KCNQ1: variants seen among roughly 807,000 people sequenced by gnomAD.
KCNQ1 encodes potassium voltage-gated channel subfamily Q member 1.
KCNQ1 carries 49 observed loss-of-function variants against 72.4 expected under a neutral mutation model. The ratio of observed to expected loss-of-function variants is 0.68; its 90% CI spans 0.54 to 0.86. KCNQ1 has a LOEUF of 0.86. KCNQ1 is among the 40% of genes least tolerant of loss of function. KCNQ1 has a pLI of 0.00. For missense variants in KCNQ1, 790 were observed against 945.1 expected (o/e 0.84, Z 2.15); for synonymous variants, 450 against 412.6 (o/e 1.09, Z -1.10).
chr11:2,821,499 G>C lies in KCNQ1; in HGVS notation c.1795-26268G>C, dbSNP rs564042019. Among the ~76,000 whole-genome samples, 44 of 152,292 alleles carry C rather than the reference G, an allele frequency of 2.9e-4. No individual in the cohort carries two copies. The South Asian group carries it at 9.1e-3, about 32-fold the overall frequency. ...CAGATGGATGGGCTCAGATGGAGTG[G>C]GAGGCCATTGGGAAGTGGCTGGTAA... is the stretch of plus-strand genomic sequence containing the variant. On this transcript the variant is annotated intron_variant, in intron 15 of 15. Transcript: ENST00000155840.
chr11:2,528,887 C>T (rs1564807502), intron 2 of KCNQ1, among the ~76,000 whole-genome samples: 5 of 152,198 alleles, frequency 3.3e-5, no homozygotes, highest in South Asian at 2.1e-4. Context: ...GCGATGGCCT[C>T]GGCAGTGGTA....
rs1179081206 is a variant in KCNQ1 at position 2,715,593 on chromosome 11, C to T, written c.1515-53251C>T. 6.6e-6 allele frequency among the ~76,000 whole-genome samples: 1 copy of T among 152,148 alleles called. No homozygotes were observed. The highest frequency in any genetic ancestry group is 2.4e-5 in the African/African-American group (1 of 41,432). On this transcript the variant is annotated intron_variant, in intron 11 of 15. Coordinates refer to ENST00000155840, the MANE Select transcript of KCNQ1 (RefSeq NM_000218.3). The surrounding 1 kb of genome is among the most constrained non-coding windows in gnomAD (Gnocchi z 4.9). ...CCTCTTCCACCACCCCTGCTGGGGT[C>T]CCCTGGGACCCATCCTTCCAAGCCC...
At chr11:2,632,190 A>AAG (rs1374219927) in intron 10 of KCNQ1, 2 of 397,160 alleles carry the variant, frequency 5.0e-6, no homozygotes, top group East Asian at 7.1e-5. Context: ...CTCAAAAAAA[A>AAG]AAAAAAAAAA....
At chr11:2,662,345 T>G in intron 11 of KCNQ1, 1 of 566,630 alleles carries the variant, frequency 1.8e-6, no homozygotes, top group Non-Finnish European at 3.1e-6. Context: ...GTTTTCATGC[T>G]TTGAGAGTCT....
chr11:2,699,448 G>A, intron 11 of KCNQ1: 1 of 402,004 alleles, frequency 2.5e-6, no homozygotes, highest in Non-Finnish European at 4.3e-6. Context: ...GAACCGCACT[G>A]AGGAGCCGCC....
chr11:2,779,558 G>A (rs1433906348), intron 15 of KCNQ1, among the ~76,000 whole-genome samples: 1 of 151,786 alleles, frequency 6.6e-6, no homozygotes, highest in South Asian at 2.1e-4. Flanking sequence ...GACAGCCCCC[G>A]CCTTTCCCCG....
rs191646757 is a variant in KCNQ1, at chr11:2,583,310, C to T, written c.922-125C>T. On this transcript the variant is annotated intron_variant, in intron 6 of 15. Coordinates refer to ENST00000155840, the MANE Select transcript of KCNQ1 (RefSeq NM_000218.3). ...GTGCTTTCGCCGAGTCACACGGGGT[C>T]GTCCTGGTGGTCAGGGTCTCTTGCC... The T allele has an allele frequency of 4.8e-4, 363 of 754,646 alleles. 2 individuals carry two copies. The Admixed American group carries it at 5.5e-3, about 11-fold the overall frequency. 46.7% of individuals were successfully genotyped at this position (754,646 alleles called of 1,614,324 possible).
intron 2 of KCNQ1, among the ~76,000 whole-genome samples, chr11:2,551,903 C>T (rs1277223024): frequency 6.6e-6 from 1 of 152,220 alleles, no homozygotes; most frequent in African/African-American, 2.4e-5. Context: ...AGGATCTGTC[C>T]AGTTTGTTGC....
At chr11:2,496,579 T>C (rs1265762509) in intron 1 of KCNQ1, among the ~76,000 whole-genome samples, 1 of 145,746 alleles carries the variant, frequency 6.9e-6, no homozygotes, top group Non-Finnish European at 1.5e-5. Flanking sequence ...ATGTGTGTCT[T>C]TGCACATGAG....
In KCNQ1 at chr11:2,782,286, C is replaced by T. The variant is rs1449604604; in HGVS notation, c.1794+4249C>T. On this transcript the variant is annotated intron_variant, in intron 15 of 15. Coordinates refer to ENST00000155840, the MANE Select transcript of KCNQ1 (RefSeq NM_000218.3). This position sits in a 1 kb window ranked among gnomAD's most constrained non-coding sequence, Gnocchi z 6.1. Reference sequence around the variant, plus strand: ...GCGGTCTCCGGCCTCTCCTCACACCCACCAATCCTTCACATTGTATATTAT... The same window carrying T: ...GCGGTCTCCGGCCTCTCCTCACACCTACCAATCCTTCACATTGTATATTAT... 6.6e-6 allele frequency among the ~76,000 whole-genome samples: 1 copy of T among 152,242 alleles called. No homozygotes were observed. The highest frequency in any genetic ancestry group is 1.5e-5 in the Non-Finnish European group (1 of 68,048).
chr11:2,519,896 A>C (rs1354096149), intron 1 of KCNQ1, among the ~76,000 whole-genome samples: 1 of 152,132 alleles, frequency 6.6e-6, no homozygotes. Context: ...CAGGGGGCCC[A>C]AGTCCAGTGA....
Position 2,817,510 on chromosome 11 carries a change from T to C in KCNQ1, c.1795-30257T>C, listed in dbSNP as rs372215334. 1.3e-5 allele frequency among the ~76,000 whole-genome samples: 2 copies of C among 152,166 alleles called. No individual in the cohort carries two copies. The highest frequency in any genetic ancestry group is 4.8e-5 in the African/African-American group (2 of 41,440). On this transcript the variant is annotated intron_variant, in intron 15 of 15. Coordinates refer to ENST00000155840, the MANE Select transcript of KCNQ1 (RefSeq NM_000218.3). The surrounding 1 kb of genome is among the most constrained non-coding windows in gnomAD (Gnocchi z 6.1). ...GGGGCATTTCAGATCCTGAGCAGCA[T>C]GTACCCTGTGAAAGAACAGGTTCCC...
At chr11:2,749,974 TAAA>T (rs1846201351) in intron 11 of KCNQ1, among the ~76,000 whole-genome samples, 1 of 136,016 alleles carries the variant, frequency 7.4e-6, no homozygotes, top group Non-Finnish European at 1.6e-5. Context: ...AAAAAAAAAA[TAAA>T]AAGTACAGGG....
At chr11:2,753,422 T>A (rs1406895011) in intron 11 of KCNQ1, among the ~76,000 whole-genome samples, 2 of 152,114 alleles carry the variant, frequency 1.3e-5, no homozygotes, top group African/African-American at 4.8e-5. Flanking sequence ...AAGGGCTCCC[T>A]CCCAGAAAAG....
chr11:2,702,553 G>T (rs908976880), intron 11 of KCNQ1, among the ~76,000 whole-genome samples: 1 of 152,198 alleles, frequency 6.6e-6, no homozygotes, highest in Non-Finnish European at 1.5e-5. Flanking sequence ...AAAACTGTGG[G>T]TTCTAATTGT....
rs916126920 is a variant in KCNQ1 at position 2,782,569 on chromosome 11, T to C, written c.1794+4532T>C. On this transcript the variant is annotated intron_variant, in intron 15 of 15. Transcript: ENST00000155840. This position sits in a 1 kb window ranked among gnomAD's most constrained non-coding sequence, Gnocchi z 6.1. ...GGTGGAATTTAAAGGTAAAGACATC[T>C]AGGCCTGGTGTTTTCTTTGTGGGAA... Among the ~76,000 whole-genome samples the C allele has an allele frequency of 6.6e-6, 1 of 152,242 alleles. No homozygotes were observed. The highest frequency in any genetic ancestry group is 2.4e-5 in the African/African-American group (1 of 41,458).
In KCNQ1 at chr11:2,830,008, AGGAGGAGGAAGGAGGAG is replaced by A. The variant is rs1847911588; in HGVS notation, c.1795-17757_1795-17741del. ...GAGGAGGAAGGAAGAGGGAGGAGGA[AGGAGGAGGAAGGAGGAG>A]GAAGGAGGAGGGAGGAGGAAGGAGG... On this transcript the variant is annotated intron_variant, in intron 15 of 15. Coordinates refer to ENST00000155840, the MANE Select transcript of KCNQ1 (RefSeq NM_000218.3). This position sits in a 1 kb window ranked among gnomAD's most constrained non-coding sequence, Gnocchi z 7.7. Among the ~76,000 whole-genome samples, 1 of 79,560 alleles carries A rather than the reference AGGAGGAGGAAGGAGGAG, an allele frequency of 1.3e-5. No individual in the cohort carries two copies. Among genetic ancestry groups the A allele is most frequent in the Admixed American group, 1.8e-4 (1 of 5,468 alleles). 52.2% of individuals were successfully genotyped at this position (79,560 alleles called of 152,430 possible).
chr11:2,694,274 A>G (rs1299930401), intron 11 of KCNQ1: 2 of 398,578 alleles, frequency 5.0e-6, no homozygotes, highest in Non-Finnish European at 8.8e-6. Flanking sequence ...GAGCCACAGC[A>G]GAGACACCAT....
Position 2,734,590 on chromosome 11 carries a change from G to A in KCNQ1, c.1515-34254G>A, listed in dbSNP as rs1845922292. Among the ~76,000 whole-genome samples the A allele has an allele frequency of 6.6e-6, 1 of 152,192 alleles. No homozygotes were observed. The highest frequency in any genetic ancestry group is 1.9e-4 in the East Asian group (1 of 5,148). On this transcript the variant is annotated intron_variant, in intron 11 of 15. Transcript: ENST00000155840. This position sits in a 1 kb window ranked among gnomAD's most constrained non-coding sequence, Gnocchi z 7.0. ...TCAGGATGCTTGCTGCGGCTGCTGG[G>A]TGGGGGATAACAGGGGTTTTCCGAG...
Sources: gnomAD v4.1 joint callset for allele counts (sites outside exome capture counted in the v4.1 genomes callset) on GRCh38, gnomAD v4.1.1 for gene constraint, Gnocchi (gnomAD v3.1) non-coding constraint, MANE v1.5 for transcripts, NCBI Gene and HGNC (gene_info 2026-07-23, HGNC 2026-07-21) for gene names.